Variants in FHIT observed in about 807,000 individuals in gnomAD.
The protein encoded by FHIT is bis(5'-adenosyl)-triphosphatase.
Under a neutral mutation model 17.9 loss-of-function variants are expected in FHIT, and 19 were observed. That is an observed-to-expected ratio of 1.06 (90% confidence interval 0.74 to 1.56). FHIT has a LOEUF of 1.56. Ranked by LOEUF, FHIT falls within the 40% of genes most tolerant of loss-of-function variation. FHIT has a pLI of 0.00. For synonymous variants in FHIT, 81 were observed against 69.7 expected, an observed-to-expected ratio of 1.16 and a Z score of -0.81; for missense variants, 248 against 189.2, an observed-to-expected ratio of 1.31 and a Z score of -1.82.
intron 8 of FHIT, among the ~76,000 whole-genome samples, chr3:59,899,059 G>A (rs999269062): frequency 6.6e-6 from 1 of 152,096 alleles, no homozygotes; most frequent in African/African-American, 2.4e-5. Flanking sequence ...ATTACAAGGC[G>A]ACATCCCTCT....
rs2040041993 is a variant in FHIT, at chr3:60,653,403, A to T, written c.-17-116424T>A. Among the ~76,000 whole-genome samples, 3 of 152,108 alleles carry T rather than the reference A, an allele frequency of 2.0e-5. No homozygotes were observed. The South Asian group carries it at 6.2e-4, about 32-fold the overall frequency. On this transcript the variant is annotated intron_variant, in intron 4 of 9. Coordinates refer to ENST00000492590, the MANE Select transcript of FHIT (RefSeq NM_002012.4). Reference sequence around the variant, plus strand: ...GGCAACGTTGGAAAAAATCTCCTAGACTATAGACCAAGTACAGAAGTAAGT... The same window carrying T: ...GGCAACGTTGGAAAAAATCTCCTAGTCTATAGACCAAGTACAGAAGTAAGT...
chr3:61,119,633 G>A (rs1178655696), intron 2 of FHIT, among the ~76,000 whole-genome samples: 1 of 152,188 alleles, frequency 6.6e-6, no homozygotes, highest in Non-Finnish European at 1.5e-5. Flanking sequence ...GAAGAGATTA[G>A]TATTTGAACC....
At chr3:59,984,392 A>AC (rs1305549675) in intron 7 of FHIT, among the ~76,000 whole-genome samples, 10 of 133,232 alleles carry the variant, frequency 7.5e-5, no homozygotes, top group African/African-American at 2.8e-4. Flanking sequence ...GCTCAAATCC[A>AC]CTGGGGGGGG....
intron 5 of FHIT, among the ~76,000 whole-genome samples, chr3:60,135,531 T>C (rs1699781318): frequency 6.6e-6 from 1 of 152,110 alleles, no homozygotes; most frequent in Admixed American, 6.6e-5. Context: ...TCTTTCCTCA[T>C]CATGGGGAGA....
At chr3:60,918,761 A>C (rs146525681) in intron 3 of FHIT, among the ~76,000 whole-genome samples, 38 of 152,254 alleles carry the variant, frequency 2.5e-4, no homozygotes, top group African/African-American at 8.7e-4. Context: ...AAGAATAATA[A>C]AGTTATATCT....
At chr3:61,154,339 T>G (rs1295108605) in intron 2 of FHIT, among the ~76,000 whole-genome samples, 1 of 151,706 alleles carries the variant, frequency 6.6e-6, no homozygotes, top group Non-Finnish European at 1.5e-5. Flanking sequence ...TCAGGAAGAA[T>G]CCCTGGATGA....
chr3:60,665,358 T>C (rs1553692217), intron 4 of FHIT, among the ~76,000 whole-genome samples: 1 of 152,062 alleles, frequency 6.6e-6, no homozygotes, highest in Non-Finnish European at 1.5e-5. Context: ...GTTCTATTTG[T>C]TGTTGAGAGA....
intron 5 of FHIT, among the ~76,000 whole-genome samples, chr3:60,151,691 T>C (rs924052134): frequency 2.0e-5 from 3 of 152,146 alleles, no homozygotes; most frequent in African/African-American, 7.2e-5. Flanking sequence ...AAGATCTTTC[T>C]CTCCTCGGGG....
intron 5 of FHIT, among the ~76,000 whole-genome samples, chr3:60,258,779 T>C (rs1260337839): frequency 6.6e-6 from 1 of 152,034 alleles, no homozygotes; most frequent in Non-Finnish European, 1.5e-5. Context: ...TGGATAGTAA[T>C]GAAAAAGTAT....
chr3:61,121,284 C>T (rs2036449456), intron 2 of FHIT, among the ~76,000 whole-genome samples: 1 of 152,106 alleles, frequency 6.6e-6, no homozygotes, highest in African/African-American at 2.4e-5. Flanking sequence ...ACCCAAGACA[C>T]ATAATCGTCA....
At chr3:60,296,971 T>G (rs185761601) in intron 5 of FHIT, among the ~76,000 whole-genome samples, 4 of 151,262 alleles carry the variant, frequency 2.6e-5, no homozygotes, top group Non-Finnish European at 5.9e-5. Context: ...GGTCTGTTTC[T>G]GGGTTCTCTA....
At chr3:60,574,039 A>T (rs2037480295) in intron 4 of FHIT, among the ~76,000 whole-genome samples, 1 of 151,892 alleles carries the variant, frequency 6.6e-6, no homozygotes, top group Non-Finnish European at 1.5e-5. Flanking sequence ...TGAACTCCTG[A>T]CCTCAAGCGA....
chr3:61,166,155 T>G (rs549712938), intron 2 of FHIT, among the ~76,000 whole-genome samples: 3 of 152,162 alleles, frequency 2.0e-5, no homozygotes, highest in Non-Finnish European at 4.4e-5. Context: ...TAAAATATAC[T>G]AACTTAGATA....
intron 5 of FHIT, among the ~76,000 whole-genome samples, chr3:60,064,478 T>C (rs756574736): frequency 2.0e-5 from 3 of 152,200 alleles, no homozygotes; most frequent in Non-Finnish European, 4.4e-5. Flanking sequence ...CTACAGACAG[T>C]ACTTCTAGAA....
intron 4 of FHIT, among the ~76,000 whole-genome samples, chr3:60,600,527 A>T (rs189267683): frequency 7.4e-4 from 113 of 152,306 alleles, no homozygotes; most frequent in African/African-American, 2.6e-3. Flanking sequence ...AAAACCAATA[A>T]AGTGGTATAA....
chr3:60,411,812 C>T (rs1291097955), intron 5 of FHIT, among the ~76,000 whole-genome samples: 1 of 152,042 alleles, frequency 6.6e-6, no homozygotes, highest in Non-Finnish European at 1.5e-5. Flanking sequence ...TATATTGGAG[C>T]TGGATCCACC....
chr3:60,381,125 G>A (rs762421949), intron 5 of FHIT, among the ~76,000 whole-genome samples: 4 of 152,024 alleles, frequency 2.6e-5, no homozygotes, highest in African/African-American at 9.7e-5. Context: ...GTATTCCCGC[G>A]ATTAGCCCCA....
chr3:60,541,891 G>T (rs1179155565), intron 4 of FHIT, among the ~76,000 whole-genome samples: 2 of 152,188 alleles, frequency 1.3e-5, no homozygotes, highest in African/African-American at 4.8e-5. Context: ...TCTACTTGAT[G>T]AGCTACTATT....
intron 4 of FHIT, among the ~76,000 whole-genome samples, chr3:60,746,957 A>C (rs1308954531): frequency 2.6e-5 from 4 of 152,154 alleles, no homozygotes; most frequent in African/African-American, 9.7e-5. Context: ...TAAAAGCTAG[A>C]CATGCATTTA....
Sources: allele counts gnomAD v4.1 joint callset (sites outside exome capture counted in the v4.1 genomes callset), GRCh38; gene constraint gnomAD v4.1.1; transcripts MANE v1.5; gene names NCBI Gene and HGNC (gene_info 2026-07-23, HGNC 2026-07-21).